ENTPD5: variants seen among roughly 807,000 people sequenced by gnomAD.
ENTPD5 encodes the protein ectonucleoside triphosphate diphosphohydrolase 5 (inactive), also known as nucleoside diphosphate phosphatase ENTPD5.
In ENTPD5, 49 loss-of-function variants were observed where a neutral mutation model predicts 60.2. The observed-to-expected ratio is 0.81, with a 90% CI of 0.65 to 1.03. ENTPD5 has a LOEUF of 1.03. Among genes scored for constraint, ENTPD5 ranks in the 50% least tolerant of loss-of-function variants. ENTPD5 has a pLI of 0.00. For synonymous variants in ENTPD5, 187 were observed against 185.4 expected, an observed-to-expected ratio of 1.01 and a Z score of -0.07; for missense variants, 480 against 507.6, an observed-to-expected ratio of 0.95 and a Z score of 0.52.
intron 2 of ENTPD5, among the ~76,000 whole-genome samples, chr14:74,015,260 C>A (rs182641553): frequency 1.3e-5 from 2 of 151,896 alleles, no homozygotes; most frequent in Non-Finnish European, 2.9e-5. Context: ...GGAAACATGG[C>A]CTCTAAGGTA....
intron 3 of ENTPD5, among the ~76,000 whole-genome samples, chr14:73,989,455 T>G (rs1215028908): frequency 6.7e-6 from 1 of 148,904 alleles, no homozygotes; most frequent in Non-Finnish European, 1.5e-5. Flanking sequence ...CCCAGTACTT[T>G]GGGAGGCCGA....
At chr14:73,962,778 C>G (rs528224818), downstream of ENTPD5, 5 of 611,982 alleles carry the variant, frequency 8.2e-6, no homozygotes, top group South Asian at 1.0e-4. Flanking sequence ...GATCACACCA[C>G]TGCACTCCAG....
chr14:74,014,389 C>CG (rs1491071268), intron 2 of ENTPD5, among the ~76,000 whole-genome samples: 1 of 148,768 alleles, frequency 6.7e-6, no homozygotes, highest in African/African-American at 2.5e-5. Flanking sequence ...CTCCCCCCCC[C>CG]CACAAAAAAA....
At chr14:74,012,862 G>A (rs886770625) in intron 2 of ENTPD5, among the ~76,000 whole-genome samples, 6 of 152,218 alleles carry the variant, frequency 3.9e-5, no homozygotes, top group South Asian at 2.1e-4. Flanking sequence ...CAGGCCAAAC[G>A]AAACACATTC....
chr14:73,999,705 T>A (rs1263155480), intron 3 of ENTPD5, among the ~76,000 whole-genome samples: 1 of 151,916 alleles, frequency 6.6e-6, no homozygotes, highest in East Asian at 1.9e-4. Flanking sequence ...GGCAGGAGAA[T>A]TGCTTGAACC....
intron 3 of ENTPD5, among the ~76,000 whole-genome samples, chr14:73,992,187 T>C (rs2140690407): frequency 6.6e-6 from 1 of 152,286 alleles, no homozygotes; most frequent in Admixed American, 6.5e-5. Context: ...AGCTTTCATC[T>C]CTGGATCTCT....
In ENTPD5 at chr14:73,973,856, CA is replaced by C. The variant is rs769938761; in HGVS notation, c.886+20del. On this transcript the variant is annotated intron_variant, in intron 12 of 15. Coordinates refer to ENST00000334696, the MANE Select transcript of ENTPD5 (RefSeq NM_001249.5). ...CTTCCATTGTAAACGTAACTTTAAC[CA>C]GTGAAAAAACATCACTTGCCTTCTT... 6.3e-7 allele frequency: 1 copy of C among 1,597,232 alleles called. No individual in the cohort carries two copies. Among genetic ancestry groups the C allele is most frequent in the Non-Finnish European group, 8.6e-7 (1 of 1,164,670 alleles).
intron 3 of ENTPD5, among the ~76,000 whole-genome samples, chr14:74,010,406 TAGTC>T (rs1416329647): frequency 6.6e-6 from 1 of 151,944 alleles, no homozygotes; most frequent in African/African-American, 2.4e-5. Flanking sequence ...AATACAAAAT[TAGTC>T]AGGCATGGTG....
chr14:73,983,176 A>ACC lies in ENTPD5; in HGVS notation c.298-17_298-16dup. 6.2e-7 allele frequency: 1 copy of ACC among 1,602,770 alleles called. No homozygotes were observed. Among genetic ancestry groups the ACC allele is most frequent in the Non-Finnish European group, 8.5e-7 (1 of 1,173,692 alleles). On this transcript the variant is annotated splice_polypyrimidine_tract_variant and intron_variant, in intron 5 of 15. Coordinates refer to ENST00000334696, the MANE Select transcript of ENTPD5 (RefSeq NM_001249.5). ...GTCTCAGCACCCTTCAAAAGAGATAACCCGTTCATCTGATGAACGATCCAT... is the reference window on the plus strand; with the variant it reads ...GTCTCAGCACCCTTCAAAAGAGATAACCCCCGTTCATCTGATGAACGATCCAT...
At chr14:73,998,063 T>G (rs1234448726) in intron 3 of ENTPD5, among the ~76,000 whole-genome samples, 2 of 152,034 alleles carry the variant, frequency 1.3e-5, no homozygotes, top group Non-Finnish European at 2.9e-5. Context: ...AGAATGAGGG[T>G]CGTGACCAAC....
chr14:73,981,727 A>G (rs2057697846), intron 6 of ENTPD5, among the ~76,000 whole-genome samples: 1 of 151,684 alleles, frequency 6.6e-6, no homozygotes, highest in South Asian at 2.1e-4. Context: ...GGATTGCTTG[A>G]ACCTGGGAGG....
chr14:73,987,156 A>G (rs2057937897), intron 4 of ENTPD5: 2 of 701,880 alleles, frequency 2.8e-6, no homozygotes, highest in African/African-American at 1.7e-5. Flanking sequence ...CTGAGGAAAA[A>G]ACACTGACAA....
chr14:73,960,058 G>A, downstream of ENTPD5: 1 of 1,003,736 alleles, frequency 1.0e-6, no homozygotes, highest in Non-Finnish European at 1.2e-6. Context: ...AGCTGCCTGG[G>A]TGGTGGTTAG....
chr14:74,006,444 C>T (rs113464585), intron 3 of ENTPD5, among the ~76,000 whole-genome samples: 44 of 151,970 alleles, frequency 2.9e-4, no homozygotes, highest in African/African-American at 3.6e-4. Flanking sequence ...CCGCCACGCC[C>T]GGCTAATTTT....
intron 1 of ENTPD5, among the ~76,000 whole-genome samples, chr14:74,016,430 A>G (rs2059018953): frequency 1.3e-5 from 2 of 152,230 alleles, no homozygotes; most frequent in Admixed American, 6.5e-5. Context: ...TGAGCTCAGG[A>G]GTTCAAGACC....
chr14:74,014,320 G>C (rs2058942748), intron 2 of ENTPD5, among the ~76,000 whole-genome samples: 1 of 152,042 alleles, frequency 6.6e-6, no homozygotes, highest in Admixed American at 6.6e-5. Flanking sequence ...AGCACTTTGG[G>C]GGCCTGAGGT....
At chr14:73,955,584 T>A (rs574301809), downstream of ENTPD5, 83 of 1,462,562 alleles carry the variant, frequency 5.7e-5, no homozygotes, top group Non-Finnish European at 7.5e-5. Flanking sequence ...TTTCTCCAAG[T>A]GTTCTGTGAA....
chr14:74,015,929 A>G lies in ENTPD5; in HGVS notation c.-236T>C, dbSNP rs1406973670. ...TTCTTTGTTGACCAGGAACAAGGAA[A>G]ACTGGACAGAAAAAGAATTACAAAA... is the stretch of plus-strand genomic sequence containing the variant. On this transcript the variant is annotated splice_region_variant and 5_prime_UTR_variant, in exon 2 of 16. Coordinates refer to ENST00000334696, the MANE Select transcript of ENTPD5 (RefSeq NM_001249.5). 8 of 152,200 alleles carry G rather than the reference A, an allele frequency of 5.3e-5. No individual in the cohort carries two copies. The highest frequency in any genetic ancestry group is 1.0e-4 in the Non-Finnish European group (7 of 68,036). 9.4% of individuals were successfully genotyped at this position (152,200 alleles called of 1,614,324 possible).
intron 5 of ENTPD5, 95 bp from the exon 6 acceptor site, chr14:73,983,256 G>A (rs1388077483): frequency 3.0e-6 from 4 of 1,350,806 alleles, no homozygotes; most frequent in South Asian, 1.6e-5. Flanking sequence ...GCAAGAAGAG[G>A]GAGGTGGCAT....
Sources: allele counts gnomAD v4.1 joint callset (sites outside exome capture counted in the v4.1 genomes callset), GRCh38; gene constraint gnomAD v4.1.1; transcripts MANE v1.5; gene names NCBI Gene and HGNC (gene_info 2026-07-23, HGNC 2026-07-21).